Variants in ANKRD55 observed in about 807,000 individuals in gnomAD.
ANKRD55 encodes the protein ankyrin repeat domain 55, also known as ankyrin repeat domain-containing protein 55.
ANKRD55 carries 41 observed loss-of-function variants against 60.6 expected under a neutral mutation model. The ratio of observed to expected loss-of-function variants is 0.68; its 90% CI spans 0.53 to 0.88. The LOEUF is 0.88. ANKRD55 is among the 40% of genes least tolerant of loss of function. The probability of loss-of-function intolerance (pLI) is 0.00; values close to 1 mark genes in which losing one functional copy is unlikely to be tolerated. For synonymous variants in ANKRD55, 264 were observed against 290.3 expected, an observed-to-expected ratio of 0.91 and a Z score of 0.92; for missense variants, 732 against 767.6, an observed-to-expected ratio of 0.95 and a Z score of 0.55.
intron 8 of ANKRD55, among the ~76,000 whole-genome samples, chr5:56,125,113 G>C (rs1455029466): frequency 6.6e-6 from 1 of 152,130 alleles, no homozygotes; most frequent in African/African-American, 2.4e-5. Flanking sequence ...CTGGTTCTAG[G>C]AGTGTTTTGA....
chr5:56,211,106 C>T (rs1489724012), intron 2 of ANKRD55, among the ~76,000 whole-genome samples: 1 of 152,108 alleles, frequency 6.6e-6, no homozygotes, highest in Non-Finnish European at 1.5e-5. Context: ...TGTGGTAGGT[C>T]CCCAGTCAAA....
At chr5:56,229,664 A>G (rs1180168722) in intron 2 of ANKRD55, among the ~76,000 whole-genome samples, 1 of 152,072 alleles carries the variant, frequency 6.6e-6, no homozygotes, top group Non-Finnish European at 1.5e-5. Context: ...AAATATAGGA[A>G]AATGCATGTG....
intron 2 of ANKRD55, among the ~76,000 whole-genome samples, chr5:56,194,267 G>A (rs1759177119): frequency 6.9e-6 from 1 of 145,514 alleles, no homozygotes; most frequent in Admixed American, 7.1e-5. Flanking sequence ...AGTGAGCCGA[G>A]ATCGCACCAT....
intron 2 of ANKRD55, among the ~76,000 whole-genome samples, chr5:56,197,788 G>A (rs146470387): frequency 6.6e-6 from 1 of 152,112 alleles, no homozygotes; most frequent in Non-Finnish European, 1.5e-5. Context: ...CCACTGATCG[G>A]CTTTTAATAT....
intron 7 of ANKRD55, among the ~76,000 whole-genome samples, chr5:56,141,867 G>T (rs1417571601): frequency 6.6e-6 from 1 of 152,092 alleles, no homozygotes; most frequent in Admixed American, 6.5e-5. Context: ...TCATATGCAT[G>T]GTCTCATTCT....
chr5:56,186,378 G>T (rs1236330430), intron 2 of ANKRD55, among the ~76,000 whole-genome samples: 9 of 152,106 alleles, frequency 5.9e-5, no homozygotes, highest in Non-Finnish European at 1.3e-4. Context: ...ATGTTGCCCA[G>T]GCTGGTCTCT....
At chr5:56,227,952 T>C (rs1760160706) in intron 2 of ANKRD55, among the ~76,000 whole-genome samples, 1 of 152,176 alleles carries the variant, frequency 6.6e-6, no homozygotes. Context: ...TGCTCCCCGC[T>C]TCCCCCACCT....
chr5:56,201,166 G>A (rs1356420794), intron 2 of ANKRD55, among the ~76,000 whole-genome samples: 3 of 152,134 alleles, frequency 2.0e-5, no homozygotes, highest in South Asian at 2.1e-4. Flanking sequence ...CTCCCCCTGC[G>A]GGATTATCCT....
intron 5 of ANKRD55, among the ~76,000 whole-genome samples, chr5:56,169,205 G>A (rs1223970449): frequency 6.6e-6 from 1 of 152,094 alleles, no homozygotes; most frequent in Non-Finnish European, 1.5e-5. Flanking sequence ...GATTTTATGT[G>A]TTACAACAGC....
intron 2 of ANKRD55, among the ~76,000 whole-genome samples, chr5:56,206,108 T>G (rs770920411): frequency 2.0e-5 from 3 of 151,920 alleles, no homozygotes; most frequent in Admixed American, 6.6e-5. Flanking sequence ...CCCGAGTAGC[T>G]GGGACTACAG....
At chr5:56,121,459 G>A (rs914233498) in intron 8 of ANKRD55, among the ~76,000 whole-genome samples, 16 of 143,854 alleles carry the variant, frequency 1.1e-4, no homozygotes, top group East Asian at 2.1e-4. Context: ...TGCAACCTCC[G>A]CCCCTGGGGT....
At chr5:56,106,322 G>A (rs1367378364) in intron 10 of ANKRD55, among the ~76,000 whole-genome samples, 5 of 148,206 alleles carry the variant, frequency 3.4e-5, no homozygotes, top group Non-Finnish European at 3.0e-5. Flanking sequence ...TAACAACAAC[G>A]ACAACACCCA....
chr5:56,232,428 T>C (rs1370568921), intron 2 of ANKRD55, among the ~76,000 whole-genome samples: 1 of 152,206 alleles, frequency 6.6e-6, no homozygotes, highest in East Asian at 1.9e-4. Context: ...AGCAATGAGA[T>C]ACTGGGCTAA....
At chr5:56,144,527 G>A (rs1757849764) in intron 6 of ANKRD55, among the ~76,000 whole-genome samples, 1 of 147,172 alleles carries the variant, frequency 6.8e-6, no homozygotes. Context: ...AGAGAGCAAT[G>A]TGAAATGAGG....
chr5:56,171,895 G>T (rs1200941862), intron 4 of ANKRD55, among the ~76,000 whole-genome samples: 2 of 152,068 alleles, frequency 1.3e-5, no homozygotes, highest in South Asian at 2.1e-4. Context: ...GAGGTGGGTG[G>T]ATCACGAGGT....
intron 5 of ANKRD55, among the ~76,000 whole-genome samples, chr5:56,170,199 C>T (rs1239623451): frequency 1.3e-5 from 2 of 152,228 alleles, no homozygotes; most frequent in Non-Finnish European, 2.9e-5. Flanking sequence ...TCTGCCCAGT[C>T]ACTGCTCTTT....
chr5:56,111,806 G>C (rs1756715550), intron 9 of ANKRD55, 24 bp from the exon 10 acceptor site: 1 of 1,471,184 alleles, frequency 6.8e-7, no homozygotes, highest in Non-Finnish European at 9.0e-7. Context: ...AAAGAGCAGG[G>C]ATGATATGTG....
chr5:56,226,584 C>A (rs1267029849), intron 2 of ANKRD55, among the ~76,000 whole-genome samples: 1 of 150,922 alleles, frequency 6.6e-6, no homozygotes, highest in African/African-American at 2.4e-5. Context: ...TTGCAATCTA[C>A]TCATCTGACG....
intron 3 of ANKRD55, among the ~76,000 whole-genome samples, chr5:56,179,046 T>C (rs1002774880): frequency 6.6e-6 from 1 of 152,156 alleles, no homozygotes; most frequent in Non-Finnish European, 1.5e-5. Context: ...CTTCCAAGTT[T>C]ATTTCATAAC....
Sources: gnomAD v4.1 joint callset for allele counts (sites outside exome capture counted in the v4.1 genomes callset) on GRCh38, gnomAD v4.1.1 for gene constraint, MANE v1.5 for transcripts, NCBI Gene and HGNC (gene_info 2026-07-23, HGNC 2026-07-21) for gene names.